The following DOCK2 variants were observed in gnomAD, a reference collection of about 807,000 sequenced individuals.
DOCK2 encodes the protein dedicator of cytokinesis protein 2.
DOCK2 carries 87 observed loss-of-function variants against 248.9 expected under a neutral mutation model. The observed-to-expected ratio is 0.35, with a 90% CI of 0.29 to 0.42. DOCK2 has a LOEUF of 0.42. Among genes scored for constraint, DOCK2 ranks in the 10% least tolerant of loss-of-function variants. The pLI is 1.00. For missense variants in DOCK2, 1,747 were observed against 2,300.2 expected (o/e 0.76, Z 4.92); for synonymous variants, 805 against 821.6 (o/e 0.98, Z 0.35).
At chr5:169,993,617 G>A (rs1271592895) in intron 29 of DOCK2, among the ~76,000 whole-genome samples, 7 of 151,282 alleles carry the variant, frequency 4.6e-5, no homozygotes, top group East Asian at 1.9e-4. Context: ...ACTGTCTTCC[G>A]TGTTCAACAG....
intron 27 of DOCK2, chr5:169,884,623 A>T (rs997989825): frequency 1.3e-5 from 2 of 152,232 alleles, no homozygotes; most frequent in Admixed American, 6.5e-5. Context: ...CCAGTGGGGT[A>T]TGACCAGGAC....
intron 25 of DOCK2, among the ~76,000 whole-genome samples, chr5:169,793,638 G>T (rs554018501): frequency 8.6e-5 from 13 of 152,006 alleles, no homozygotes; most frequent in Non-Finnish European, 1.8e-4. Flanking sequence ...CTCTAGGTCC[G>T]CCATTAAAAA....
intron 30 of DOCK2, 93 bp downstream of exon 30, chr5:169,996,257 A>G (rs757676036): frequency 7.6e-7 from 1 of 1,320,102 alleles, no homozygotes; most frequent in African/African-American, 1.5e-5. Context: ...CCCAAAGGCC[A>G]CAGAAGCTGT....
intron 37 of DOCK2, 134 bp from the exon 38 acceptor site, chr5:170,041,879 A>T: frequency 8.9e-7 from 1 of 1,121,594 alleles, no homozygotes; most frequent in Non-Finnish European, 1.2e-6. Context: ...AAATAAGCTG[A>T]GTTCAAGAAA....
intron 9 of DOCK2, among the ~76,000 whole-genome samples, chr5:169,689,815 GACTA>G (rs1760191047): frequency 6.6e-6 from 1 of 152,174 alleles, no homozygotes; most frequent in South Asian, 2.1e-4. Context: ...AGTCATAGAT[GACTA>G]ACGATCTGGT....
chr5:169,882,533 TGA>T, intron 27 of DOCK2: 1 of 1,516,736 alleles, frequency 6.6e-7, no homozygotes, highest in Non-Finnish European at 8.9e-7. Flanking sequence ...ATTTTTAATA[TGA>T]AAAAAAAATC....
intron 46 of DOCK2, chr5:170,075,553 T>G: frequency 6.0e-6 from 1 of 165,484 alleles, no homozygotes; most frequent in Non-Finnish European, 1.3e-5. Flanking sequence ...CATTCATCCT[T>G]TCACTTTAGT....
chr5:169,777,928 A>G (rs1765474250), intron 25 of DOCK2, among the ~76,000 whole-genome samples: 1 of 152,218 alleles, frequency 6.6e-6, no homozygotes. Flanking sequence ...TCCAACTTAG[A>G]GAATGAATTC....
chr5:169,800,397 A>G (rs1766893982), intron 25 of DOCK2, among the ~76,000 whole-genome samples: 1 of 152,146 alleles, frequency 6.6e-6, no homozygotes, highest in African/African-American at 2.4e-5. Context: ...ACTGTCTCAA[A>G]TGCCACCTCC....
At chr5:169,828,166 A>G (rs1768992808) in intron 26 of DOCK2, among the ~76,000 whole-genome samples, 1 of 152,140 alleles carries the variant, frequency 6.6e-6, no homozygotes, top group Non-Finnish European at 1.5e-5. Flanking sequence ...GAGGATACAA[A>G]TTCACTCCTT....
intron 44 of DOCK2, 23 bp downstream of exon 44, chr5:170,057,689 AG>A (rs754334367): frequency 1.3e-6 from 2 of 1,582,406 alleles, no homozygotes; most frequent in South Asian, 2.3e-5. Context: ...CATTCGTGGC[AG>A]GGCCACCCTT....
chr5:169,728,250 T>A (rs1485264180), intron 22 of DOCK2, among the ~76,000 whole-genome samples: 4 of 152,184 alleles, frequency 2.6e-5, no homozygotes, highest in African/African-American at 9.7e-5. Flanking sequence ...AGGTGTTTAT[T>A]GGCAGAACCG....
At chr5:169,963,182 A>T (rs776803657) in intron 27 of DOCK2, among the ~76,000 whole-genome samples, 1 of 152,152 alleles carries the variant, frequency 6.6e-6, no homozygotes, top group Non-Finnish European at 1.5e-5. Context: ...AGGCCTGAGG[A>T]TGCTCTTCAT....
chr5:169,744,290 A>G (rs1763485761), intron 22 of DOCK2, among the ~76,000 whole-genome samples: 1 of 152,222 alleles, frequency 6.6e-6, no homozygotes, highest in Admixed American at 6.5e-5. Context: ...TTTAAAGTTG[A>G]GCAGAGCCTT....
chr5:169,844,482 A>G (rs573672088), intron 27 of DOCK2, among the ~76,000 whole-genome samples: 103 of 152,290 alleles, frequency 6.8e-4, no homozygotes, highest in African/African-American at 2.5e-3. Context: ...GCCTTGGCTC[A>G]CCGCCCAGCC....
intron 27 of DOCK2, among the ~76,000 whole-genome samples, chr5:169,900,776 G>A (rs912966015): frequency 1.3e-5 from 2 of 152,156 alleles, no homozygotes; most frequent in Admixed American, 1.3e-4. Flanking sequence ...GAGCCGCAAA[G>A]AAGCTCTTGG....
chr5:169,977,388 C>G (rs1777753415), intron 27 of DOCK2, among the ~76,000 whole-genome samples: 2 of 152,216 alleles, frequency 1.3e-5, no homozygotes, highest in South Asian at 4.1e-4. Flanking sequence ...ATCTGCATAG[C>G]TTCTCTGGAC....
chr5:170,043,988 G>T (rs1230174424), intron 38 of DOCK2, among the ~76,000 whole-genome samples: 1 of 152,222 alleles, frequency 6.6e-6, no homozygotes, highest in East Asian at 1.9e-4. Flanking sequence ...GAACAGGGTG[G>T]TGCCAAAGTA....
chr5:169,955,150 A>G (rs1319395248), intron 27 of DOCK2, among the ~76,000 whole-genome samples: 1 of 152,186 alleles, frequency 6.6e-6, no homozygotes, highest in Non-Finnish European at 1.5e-5. Context: ...GAGGAGCTAC[A>G]TGGCCATGTC....
Sources: allele counts gnomAD v4.1 joint callset (sites outside exome capture counted in the v4.1 genomes callset), GRCh38; gene constraint gnomAD v4.1.1; transcripts MANE v1.5; gene names NCBI Gene and HGNC (gene_info 2026-07-23, HGNC 2026-07-21).